The following LRCH1 variants were observed in gnomAD, a reference collection of about 807,000 sequenced individuals.
LRCH1 encodes the protein leucine-rich repeat and calponin homology domain-containing protein 1.
Under a neutral mutation model 94.9 loss-of-function variants are expected in LRCH1, and 23 were observed. The ratio of observed to expected loss-of-function variants is 0.24; its 90% CI spans 0.17 to 0.34. The LOEUF (loss-of-function observed/expected upper bound fraction) is 0.34. Ranked by LOEUF, LRCH1 falls within the 10% of genes least tolerant of loss-of-function variation. The pLI is 1.00. For missense variants in LRCH1, 790 were observed against 945.9 expected, an observed-to-expected ratio of 0.84 and a Z score of 2.16; for synonymous variants, 364 against 354.9, an observed-to-expected ratio of 1.03 and a Z score of -0.29.
At chr13:46,703,608 T>TA (rs1566238085) in intron 11 of LRCH1, among the ~76,000 whole-genome samples, 2 of 152,066 alleles carry the variant, frequency 1.3e-5, no homozygotes, top group South Asian at 2.1e-4. Context: ...TAATAGCAAA[T>TA]ATTTGGAAAA....
intron 1 of LRCH1, among the ~76,000 whole-genome samples, chr13:46,638,933 A>G (rs1184395101): frequency 6.6e-6 from 1 of 152,208 alleles, no homozygotes; most frequent in African/African-American, 2.4e-5. Flanking sequence ...GAAGTATATA[A>G]TAAAAGAAAA....
chr13:46,735,788 C>CTTTTTTTTTTTTTTTTTTTT lies in LRCH1; in HGVS notation c.2085+1794_2085+1795insTTTTTTTTTTTTTTTTTTTT, dbSNP rs1288570749. On this transcript the variant is annotated intron_variant, in intron 19 of 19. Coordinates refer to ENST00000389797, the MANE Select transcript of LRCH1 (RefSeq NM_001164211.2). Reference sequence around the variant, plus strand: ...AGGTGATTTTCCTTTTTTTCTTTTTCTTTTCTTTTTTTTTTTTTTTTCGAG... The same window carrying CTTTTTTTTTTTTTTTTTTTT: ...AGGTGATTTTCCTTTTTTTCTTTTTCTTTTTTTTTTTTTTTTTTTTTTTTCTTTTTTTTTTTTTTTTCGAG... Among the ~76,000 whole-genome samples, 4 of 69,916 alleles carry CTTTTTTTTTTTTTTTTTTTT rather than the reference C, an allele frequency of 5.7e-5. 2 individuals are homozygous for CTTTTTTTTTTTTTTTTTTTT. Among genetic ancestry groups the CTTTTTTTTTTTTTTTTTTTT allele is most frequent in the Non-Finnish European group, 5.5e-5 (2 of 36,094 alleles). The allele number at this position is 69,916 out of a possible 152,430, so 45.9% of individuals were successfully genotyped here.
At chr13:46,660,075 G>C (rs969554085) in intron 2 of LRCH1, among the ~76,000 whole-genome samples, 1 of 130,572 alleles carries the variant, frequency 7.7e-6, no homozygotes, top group South Asian at 2.7e-4. Context: ...GCAGTGGCGC[G>C]ATCTCTGCTC....
At chr13:46,635,904 T>A (rs1787878372) in intron 1 of LRCH1, among the ~76,000 whole-genome samples, 1 of 152,018 alleles carries the variant, frequency 6.6e-6, no homozygotes, top group Non-Finnish European at 1.5e-5. Context: ...ACCATGCCCC[T>A]CTCCAGCTTC....
chr13:46,618,258 G>A (rs1372512535), intron 1 of LRCH1, among the ~76,000 whole-genome samples: 2 of 152,046 alleles, frequency 1.3e-5, no homozygotes, highest in Admixed American at 1.3e-4. Context: ...CCCATTACCT[G>A]ACAAAAATGG....
chr13:46,599,528 T>A (rs74780822), intron 1 of LRCH1, among the ~76,000 whole-genome samples: 1 of 152,248 alleles, frequency 6.6e-6, no homozygotes, highest in Admixed American at 6.5e-5. Context: ...TCATTTTTTT[T>A]GGTAGCTGAC....
chr13:46,633,304 T>TGACC (rs1157679861), intron 1 of LRCH1, among the ~76,000 whole-genome samples: 1 of 152,238 alleles, frequency 6.6e-6, no homozygotes, highest in African/African-American at 2.4e-5. Flanking sequence ...GAATTGATAG[T>TGACC]GACCCTAAAT....
intron 15 of LRCH1, 68 bp downstream of exon 15, chr13:46,712,665 T>C: frequency 7.3e-7 from 1 of 1,374,710 alleles, no homozygotes; most frequent in South Asian, 1.2e-5. Flanking sequence ...CTTTTAAGTG[T>C]ATGCATTATC....
At chr13:46,727,901 A>ATTTCTTTCTTTCTTTC (rs71077919) in intron 17 of LRCH1, among the ~76,000 whole-genome samples, 15 of 148,644 alleles carry the variant, frequency 1.0e-4, no homozygotes, top group African/African-American at 2.9e-4. Flanking sequence ...AGAGAAAAAC[A>ATTTCTTTCTTTCTTTC]TTTCTTTCTT....
In LRCH1 at chr13:46,598,589, AACAAC is replaced by A. The variant is rs1308446318; in HGVS notation, c.307+44888_307+44892del. On this transcript the variant is annotated intron_variant, in intron 1 of 19. Transcript: ENST00000389797. ...TAACTTTTGTAGTTTCACCACTAAC[AACAAC>A]AAAAAAAAAAGAACACAAACAAAAT... Among the ~76,000 whole-genome samples the A allele has an allele frequency of 3.4e-4, 37 of 107,296 alleles. No individual in the cohort carries two copies. In the South Asian group the frequency reaches 7.0e-3, roughly 20 times the overall value. The allele number at this position is 107,296 out of a possible 152,430, so 70.4% of individuals were successfully genotyped here. A position where few individuals can be genotyped will look rare whatever the true frequency, so the allele number is the denominator to read the frequency against.
intron 11 of LRCH1, 40 bp downstream of exon 11, chr13:46,701,247 A>G (rs1871455167): frequency 7.4e-7 from 1 of 1,349,822 alleles, no homozygotes; most frequent in East Asian, 2.3e-5. Flanking sequence ...TGTGTAAATA[A>G]TGCATACTAA....
At chr13:46,590,904 T>C (rs1315230760) in intron 1 of LRCH1, among the ~76,000 whole-genome samples, 1 of 152,218 alleles carries the variant, frequency 6.6e-6, no homozygotes, top group East Asian at 1.9e-4. Flanking sequence ...CCTTTTCTTT[T>C]TTCTTTTCGA....
chr13:46,727,985 C>G (rs1872910749), intron 17 of LRCH1, among the ~76,000 whole-genome samples: 2 of 151,388 alleles, frequency 1.3e-5, no homozygotes, highest in African/African-American at 4.9e-5. Context: ...GGCATGATCT[C>G]AACCCACTGC....
At chr13:46,583,816 A>G (rs1224200959) in intron 1 of LRCH1, among the ~76,000 whole-genome samples, 1 of 149,960 alleles carries the variant, frequency 6.7e-6, no homozygotes, top group Non-Finnish European at 1.5e-5. Flanking sequence ...GCTGGAGTGC[A>G]GTGGCGCAAT....
chr13:46,580,682 A>G (rs577431173), intron 1 of LRCH1, among the ~76,000 whole-genome samples: 6 of 152,196 alleles, frequency 3.9e-5, no homozygotes, highest in Non-Finnish European at 8.8e-5. Context: ...CTTGTTCTGT[A>G]GATTAATTAG....
chr13:46,557,942 C>T (rs959060535), intron 1 of LRCH1, among the ~76,000 whole-genome samples: 16 of 152,030 alleles, frequency 1.1e-4, no homozygotes, highest in African/African-American at 3.6e-4. Flanking sequence ...GCTATGCGGA[C>T]GGCTGAGGTG....
chr13:46,672,346 T>G (rs1214065213), intron 3 of LRCH1, among the ~76,000 whole-genome samples: 2 of 152,140 alleles, frequency 1.3e-5, no homozygotes, highest in African/African-American at 4.8e-5. Context: ...GCTTTTTTTT[T>G]TCATTATTTG....
In LRCH1 at chr13:46,687,940, C is replaced by T; in HGVS notation, c.911C>T (p.Thr304Ile). The T allele has an allele frequency of 6.2e-7, 1 of 1,612,178 alleles. No individual in the cohort carries two copies. Among genetic ancestry groups the T allele is most frequent in the South Asian group, 1.1e-5 (1 of 90,584 alleles). ...IKTADSLYLH[T>I]MERPHLHQHV... ...ACAGCTGACTCCCTTTATCTCCACA[C>T]CATGGAGAGGCCACATTTACACCAG... The change falls in exon 6 of 20, where the codon ACC becomes ATC. Residue 304 changes from threonine (T) to isoleucine (I), a missense_variant. Physicochemically the swap from Thr to Ile is moderately conservative, Grantham distance 89 (BLOSUM62 -1). This residue lies in a region of LRCH1 where 194 missense variants were observed against 293.5 expected (regional missense o/e 0.66). Coordinates refer to ENST00000389797, the MANE Select transcript of LRCH1 (RefSeq NM_001164211.2).
intron 1 of LRCH1, 115 bp downstream of exon 1, chr13:46,553,818 AT>A: frequency 6.5e-7 from 1 of 1,530,062 alleles, no homozygotes. Context: ...GGGAGGGTCC[AT>A]CGGCCCGTTG....
Sources: gnomAD v4.1 joint callset for allele counts (sites outside exome capture counted in the v4.1 genomes callset) on GRCh38, gnomAD v4.1.1 for gene constraint, gnomAD v4.1.1 regional missense constraint, MANE v1.5 for transcripts, NCBI Gene and HGNC (gene_info 2026-07-23, HGNC 2026-07-21) for gene names.